IGF1R: variants seen among roughly 807,000 people sequenced by gnomAD.
IGF1R encodes the protein insulin-like growth factor 1 receptor.
Under a neutral mutation model 144.6 loss-of-function variants are expected in IGF1R, and 44 were observed. That is an observed-to-expected ratio of 0.30 (90% CI 0.24 to 0.39). The LOEUF (loss-of-function observed/expected upper bound fraction) is 0.39. Among genes scored for constraint, IGF1R ranks in the 10% least tolerant of loss-of-function variants. The pLI is 1.00. For synonymous variants in IGF1R, 795 were observed against 722.8 expected (o/e 1.10, Z -1.60); for missense variants, 1,355 against 1,833.7 (o/e 0.74, Z 4.77).
chr15:98,690,907 A>C (rs1451323711), intron 1 of IGF1R, among the ~76,000 whole-genome samples: 2 of 152,240 alleles, frequency 1.3e-5, no homozygotes, highest in Non-Finnish European at 2.9e-5. Flanking sequence ...ACATTTAAAT[A>C]GATCCCTGTT....
chr15:98,933,615 C>T (rs1172113149), intron 15 of IGF1R, among the ~76,000 whole-genome samples: 4 of 152,196 alleles, frequency 2.6e-5, no homozygotes, highest in Non-Finnish European at 4.4e-5. Flanking sequence ...CATGAGCCAC[C>T]GCACACGGCC....
chr15:98,831,672 C>T (rs1174600856), intron 2 of IGF1R, among the ~76,000 whole-genome samples: 2 of 152,166 alleles, frequency 1.3e-5, no homozygotes, highest in African/African-American at 4.8e-5. Flanking sequence ...GATGGTTGAT[C>T]CTTAAATGCT....
chr15:98,668,111 T>C (rs1369526703), intron 1 of IGF1R, among the ~76,000 whole-genome samples: 1 of 152,166 alleles, frequency 6.6e-6, no homozygotes, highest in East Asian at 1.9e-4. Flanking sequence ...GGCTTGCAGA[T>C]GACAAATGTC....
intron 2 of IGF1R, among the ~76,000 whole-genome samples, chr15:98,728,197 A>C (rs1025841566): frequency 6.6e-6 from 1 of 152,022 alleles, no homozygotes; most frequent in Non-Finnish European, 1.5e-5. Context: ...CCAGCTATTC[A>C]AGATGGGCTT....
At chr15:98,686,998 C>G (rs1340561098) in intron 1 of IGF1R, among the ~76,000 whole-genome samples, 5 of 152,018 alleles carry the variant, frequency 3.3e-5, no homozygotes. Flanking sequence ...TATGAATTCA[C>G]TTAAAAGCTG....
At chr15:98,760,592 T>G (rs1375912318) in intron 2 of IGF1R, among the ~76,000 whole-genome samples, 1 of 152,238 alleles carries the variant, frequency 6.6e-6, no homozygotes, top group Non-Finnish European at 1.5e-5. Flanking sequence ...TGAGTGCATG[T>G]CGCTGCGGCA....
At chr15:98,688,035 G>A (rs1340305189) in intron 1 of IGF1R, among the ~76,000 whole-genome samples, 1 of 152,158 alleles carries the variant, frequency 6.6e-6, no homozygotes, top group Non-Finnish European at 1.5e-5. Context: ...GTGGTTTGTA[G>A]CATGGAACAG....
rs991652965 is a variant in IGF1R, at chr15:98,960,876, G to A, written c.*3434G>A. Reference sequence around the variant, plus strand: ...CCAAACCTTCCGGCTGGAAAGCCCAGTGGCCGGCGCCGAGGCTCGTGGCGT... The same window carrying A: ...CCAAACCTTCCGGCTGGAAAGCCCAATGGCCGGCGCCGAGGCTCGTGGCGT... On this transcript the variant is annotated 3_prime_UTR_variant, in exon 21 of 21. Coordinates refer to ENST00000650285, the MANE Select transcript of IGF1R (RefSeq NM_000875.5). The A allele has an allele frequency of 4.7e-5, 11 of 233,856 alleles. No individual in the cohort carries two copies. The highest frequency in any genetic ancestry group is 8.5e-5 in the Non-Finnish European group (10 of 118,294). The allele number at this position is 233,856 out of a possible 1,614,324, so 14.5% of individuals were successfully genotyped here. A position where few individuals can be genotyped will look rare whatever the true frequency, so the allele number is the denominator to read the frequency against.
chr15:98,899,038 T>C (rs988025283), intron 4 of IGF1R, among the ~76,000 whole-genome samples: 1 of 152,240 alleles, frequency 6.6e-6, no homozygotes, highest in African/African-American at 2.4e-5. Context: ...TAGATCCCTG[T>C]ATCTTAGGAA....
intron 1 of IGF1R, among the ~76,000 whole-genome samples, chr15:98,705,397 T>C (rs1372228921): frequency 2.0e-5 from 3 of 152,124 alleles, no homozygotes; most frequent in African/African-American, 7.2e-5. Context: ...TGACAAGCCT[T>C]GTGTCAAGTT....
At chr15:98,916,981 C>A in intron 10 of IGF1R, 105 bp downstream of exon 10, 1 of 946,346 alleles carries the variant, frequency 1.1e-6, no homozygotes, top group South Asian at 1.4e-5. Flanking sequence ...CTGGGGGGTA[C>A]AATACAGTAG....
intron 1 of IGF1R, among the ~76,000 whole-genome samples, chr15:98,652,723 C>T (rs752708830): frequency 6.6e-6 from 1 of 152,030 alleles, no homozygotes; most frequent in Admixed American, 6.6e-5. Context: ...TCCATAGAGG[C>T]AGAAGGTAGA....
At position 98,665,142 on chromosome 15, in the gene IGF1R, G is replaced by A. The variant is rs1448441988; in HGVS notation, c.94+15467G>A. 2.6e-5 allele frequency among the ~76,000 whole-genome samples: 4 copies of A among 152,006 alleles called. No homozygotes were observed. In the East Asian group the frequency reaches 5.8e-4, roughly 22 times the overall value. The stretch of plus-strand genomic sequence containing the variant: ...TAATTTTTGTATTTTTAGTAGAGAT[G>A]GGGTTTCACCGTGTTAGCCAGGATG... On this transcript the variant is annotated intron_variant, in intron 1 of 20. Transcript: ENST00000650285.
chr15:98,851,165 G>A (rs903441384), intron 2 of IGF1R, among the ~76,000 whole-genome samples: 1 of 152,152 alleles, frequency 6.6e-6, no homozygotes, highest in Non-Finnish European at 1.5e-5. Context: ...TTTGTGTGTG[G>A]CCCATCCAGG....
intron 1 of IGF1R, among the ~76,000 whole-genome samples, chr15:98,662,482 C>G (rs2052623642): frequency 6.6e-6 from 1 of 152,052 alleles, no homozygotes; most frequent in African/African-American, 2.4e-5. Flanking sequence ...TGAGTGGTGA[C>G]AGAGTATGGA....
chr15:98,887,911 T>G (rs147336010), intron 2 of IGF1R, among the ~76,000 whole-genome samples: 1 of 152,212 alleles, frequency 6.6e-6, no homozygotes, highest in African/African-American at 2.4e-5. Context: ...CCTAAAACTT[T>G]CCATGGTTTC....
At chr15:98,705,429 C>T (rs995056545) in intron 1 of IGF1R, among the ~76,000 whole-genome samples, 1 of 152,142 alleles carries the variant, frequency 6.6e-6, no homozygotes, top group African/African-American at 2.4e-5. Context: ...GGGCTGAAAT[C>T]TAATGTATGT....
At chr15:98,927,829 T>G (rs145244005) in intron 13 of IGF1R, among the ~76,000 whole-genome samples, 2 of 152,374 alleles carry the variant, frequency 1.3e-5, no homozygotes, top group African/African-American at 4.8e-5. Flanking sequence ...TAATCATTGA[T>G]AGGGGACTTA....
chr15:98,933,725 C>T (rs1240638863), intron 15 of IGF1R, among the ~76,000 whole-genome samples: 1 of 152,238 alleles, frequency 6.6e-6, no homozygotes, highest in Non-Finnish European at 1.5e-5. Flanking sequence ...TCCCAAATCT[C>T]TACCCATTGG....
Sources: gnomAD v4.1 joint callset for allele counts (sites outside exome capture counted in the v4.1 genomes callset) on GRCh38, gnomAD v4.1.1 for gene constraint, MANE v1.5 for transcripts, NCBI Gene and HGNC (gene_info 2026-07-23, HGNC 2026-07-21) for gene names.